XIRP2: variants seen among roughly 807,000 people sequenced by gnomAD.
The protein encoded by XIRP2 is xin actin-binding repeat-containing protein 2.
In XIRP2, 236 loss-of-function variants were observed where a neutral mutation model predicts 277.0. The observed-to-expected ratio is 0.85, with a 90% CI of 0.77 to 0.95. XIRP2 has a LOEUF of 0.95. XIRP2 is among the 40% of genes least tolerant of loss of function. The pLI, the probability that XIRP2 is intolerant of heterozygous loss-of-function variation, is 0.00. For synonymous variants in XIRP2, 1,490 were observed against 1,416.5 expected, an observed-to-expected ratio of 1.05 and a Z score of -1.17; for missense variants, 4,640 against 4,157.5, an observed-to-expected ratio of 1.12 and a Z score of -3.19.
Position 167,112,447 on chromosome 2 carries a change from A to T in XIRP2, c.409-23462A>T, listed in dbSNP as rs1462486362. ...AAGTCATTCCGGAGCATTCAGGAGC[A>T]GTTTGTTTAATTTCCATGTAATATT... On this transcript the variant is annotated intron_variant, in intron 2 of 10. Coordinates refer to ENST00000409195, the MANE Select transcript of XIRP2 (RefSeq NM_152381.6). Among the ~76,000 whole-genome samples the T allele has an allele frequency of 6.6e-5, 10 of 151,454 alleles. No individual in the cohort carries two copies. In the East Asian group the frequency reaches 1.9e-3, roughly 29 times the overall value.
intron 4 of XIRP2, among the ~76,000 whole-genome samples, chr2:167,214,108 A>AGGAAGGAAGGAAGGAAGGAG: frequency 8.4e-6 from 1 of 118,524 alleles, no homozygotes; most frequent in Non-Finnish European, 1.7e-5. Context: ...GAAGGAAGGA[A>AGGAAGGAAGGAAGGAAGGAG]GGAAGGAAGG....
At chr2:167,233,010 A>G (rs1041695307) in intron 5 of XIRP2, among the ~76,000 whole-genome samples, 1 of 151,968 alleles carries the variant, frequency 6.6e-6, no homozygotes, top group African/African-American at 2.4e-5. Flanking sequence ...TACAAGTGCA[A>G]TGTGTCCAAT....
chr2:167,107,527 G>T (rs903429254), intron 2 of XIRP2, among the ~76,000 whole-genome samples: 22 of 151,398 alleles, frequency 1.5e-4, no homozygotes, highest in African/African-American at 4.1e-4. Flanking sequence ...TATTGAACCA[G>T]CCTTGCTTCT....
intron 3 of XIRP2, chr2:167,187,166 G>A: frequency 2.4e-6 from 2 of 834,198 alleles, no homozygotes; most frequent in South Asian, 5.5e-5. Context: ...GGCTGTGGAA[G>A]GGAGTTTGAT....
At chr2:166,940,295 A>G (rs777442992) in intron 2 of XIRP2, among the ~76,000 whole-genome samples, 8 of 152,170 alleles carry the variant, frequency 5.3e-5, no homozygotes, top group South Asian at 2.1e-4. Flanking sequence ...TTTCAGCTCT[A>G]TCATGTCATT....
Position 167,246,454 on chromosome 2 carries a change from A to G in XIRP2, c.5062A>G (p.Asn1688Asp). 1 of 1,613,754 alleles carries G rather than the reference A, an allele frequency of 6.2e-7. No individual in the cohort carries two copies. The change falls in exon 9 of 11, where the codon AAC becomes GAC. Residue 1688 changes from asparagine to aspartate, a missense_variant. Transcript: ENST00000409195. ...TCAGGAAGATGAAAAAGGAGATATTAACATGACTATCTATTGTCTTCTTCA... is the reference window on the plus strand; with the variant it reads ...TCAGGAAGATGAAAAAGGAGATATTGACATGACTATCTATTGTCTTCTTCA... ...LIQEDEKGDI[N>D]MTIYCLLHEN...
Position 167,163,326 on chromosome 2 carries a change from T to C in XIRP2, c.562+27264T>C, listed in dbSNP as rs11883976. On this transcript the variant is annotated intron_variant, in intron 3 of 10. Transcript: ENST00000409195. ...CAGTTTTTCTGTGTCTTCCCCACAA[T>C]TTGTGACCATCCTTGTTTTAATTTC... 2.4e-3 allele frequency among the ~76,000 whole-genome samples: 360 copies of C among 152,352 alleles called. 2 individuals are homozygous for C. The highest frequency in any genetic ancestry group is 8.3e-3 in the African/African-American group (345 of 41,580).
chr2:167,254,237 G>A, intron 10 of XIRP2, 72 bp downstream of exon 10: 1 of 1,396,902 alleles, frequency 7.2e-7, no homozygotes, highest in Non-Finnish European at 9.4e-7. Flanking sequence ...ATATCTCTAG[G>A]AGGATGCACA....
chr2:167,135,132 T>C (rs1324873191), intron 2 of XIRP2, among the ~76,000 whole-genome samples: 1 of 152,190 alleles, frequency 6.6e-6, no homozygotes, highest in Non-Finnish European at 1.5e-5. Context: ...TATTTAAAAC[T>C]AGACTTTTGC....
chr2:166,982,326 T>TAAA (rs1302808425), intron 2 of XIRP2, among the ~76,000 whole-genome samples: 7 of 136,164 alleles, frequency 5.1e-5, no homozygotes, highest in African/African-American at 2.0e-4. Context: ...GTTTTTTTTT[T>TAAA]TAAAAAAAAA....
At chr2:167,155,082 T>G (rs1574304301) in intron 3 of XIRP2, among the ~76,000 whole-genome samples, 1 of 151,004 alleles carries the variant, frequency 6.6e-6, no homozygotes, top group Non-Finnish European at 1.5e-5. Context: ...AATAACAGGA[T>G]CTGAAATTGT....
At chr2:166,926,632 A>T (rs1401439228) in intron 2 of XIRP2, among the ~76,000 whole-genome samples, 1 of 152,082 alleles carries the variant, frequency 6.6e-6, no homozygotes, top group Non-Finnish European at 1.5e-5. Flanking sequence ...GACAGATTTG[A>T]GTCACTTTTT....
chr2:167,162,988 T>C (rs1692414587), intron 3 of XIRP2, among the ~76,000 whole-genome samples: 1 of 152,208 alleles, frequency 6.6e-6, no homozygotes, highest in Non-Finnish European at 1.5e-5. Flanking sequence ...TTGATAAATG[T>C]TGTTTATATC....
At chr2:167,162,623 TTGGGTGGGGA>T (rs1692404389) in intron 3 of XIRP2, among the ~76,000 whole-genome samples, 1 of 152,326 alleles carries the variant, frequency 6.6e-6, no homozygotes, top group South Asian at 2.1e-4. Context: ...AAGATGAGAT[TTGGGTGGGGA>T]CACAGCCAAA....
intron 3 of XIRP2, among the ~76,000 whole-genome samples, chr2:167,182,429 CAG>C: frequency 6.6e-6 from 1 of 152,314 alleles, no homozygotes; most frequent in East Asian, 1.9e-4. Context: ...TGCTACCATG[CAG>C]AGACAGGGCC....
Position 167,241,920 on chromosome 2 carries a change from T to C in XIRP2, c.1176+10T>C, listed in dbSNP as rs758236567. ...AGCCAAGCAGATTAAGGTAAAGTCA[T>C]TTCTTTACACAGAAACATACTAAGT... On this transcript the variant is annotated intron_variant, in intron 8 of 10. Transcript: ENST00000409195. 1 of 1,608,308 alleles carries C rather than the reference T, an allele frequency of 6.2e-7. No individual in the cohort carries two copies. The highest frequency in any genetic ancestry group is 1.1e-5 in the South Asian group (1 of 89,918).
At chr2:167,010,355 G>A (rs1315018110) in intron 2 of XIRP2, among the ~76,000 whole-genome samples, 1 of 151,454 alleles carries the variant, frequency 6.6e-6, no homozygotes, top group Non-Finnish European at 1.5e-5. Context: ...GTTTTTCTCA[G>A]GTTTGTCAAA....
intron 5 of XIRP2, among the ~76,000 whole-genome samples, chr2:167,226,677 C>A (rs1694612166): frequency 6.6e-6 from 1 of 152,104 alleles, no homozygotes; most frequent in Admixed American, 6.6e-5. Flanking sequence ...ACCCCACACT[C>A]TTCACAAAGC....
chr2:166,978,801 T>A (rs1172693882), intron 2 of XIRP2, among the ~76,000 whole-genome samples: 9 of 152,090 alleles, frequency 5.9e-5, no homozygotes, highest in Non-Finnish European at 1.3e-4. Context: ...GGCAACACAG[T>A]GAGATCCTGT....
Sources: gnomAD v4.1 joint callset for allele counts (sites outside exome capture counted in the v4.1 genomes callset) on GRCh38, gnomAD v4.1.1 for gene constraint, MANE v1.5 for transcripts, NCBI Gene and HGNC (gene_info 2026-07-23, HGNC 2026-07-21) for gene names.